The following PRKG1 variants were observed in gnomAD, a reference collection of about 807,000 sequenced individuals.
PRKG1 encodes cGMP-dependent protein kinase 1.
A neutral mutation model predicts 88.1 loss-of-function variants in PRKG1; 35 were observed. That is an observed-to-expected ratio of 0.40 (90% confidence interval 0.30 to 0.53). The LOEUF is 0.53. Ranked by LOEUF, PRKG1 falls within the 20% of genes least tolerant of loss-of-function variation. The pLI, the probability that PRKG1 is intolerant of heterozygous loss-of-function variation, is 0.59. For missense variants in PRKG1, 540 were observed against 839.8 expected, an observed-to-expected ratio of 0.64 and a Z score of 4.41; for synonymous variants, 303 against 292.5, an observed-to-expected ratio of 1.04 and a Z score of -0.37.
intron 4 of PRKG1, among the ~76,000 whole-genome samples, chr10:51,901,553 T>A (rs370536669): frequency 1.3e-5 from 2 of 152,328 alleles, no homozygotes; most frequent in East Asian, 1.9e-4. Context: ...TATTGTGTGA[T>A]CTTCTCTAGT....
intron 9 of PRKG1, among the ~76,000 whole-genome samples, chr10:52,233,747 G>A (rs1385253172): frequency 1.5e-4 from 22 of 149,664 alleles, no homozygotes; most frequent in African/African-American, 3.9e-4. Flanking sequence ...AGGGGCGCCC[G>A]CCATTGCCCA....
At chr10:51,072,801 AG>A (rs1428526594), upstream of PRKG1, among the ~76,000 whole-genome samples, 23 of 152,264 alleles carry the variant, frequency 1.5e-4, no homozygotes, top group Admixed American at 4.6e-4. Context: ...TAAATGAACA[AG>A]CTTGTTAAGA....
At chr10:51,413,595 G>A (rs10822945) in intron 2 of PRKG1, among the ~76,000 whole-genome samples, 84,005 of 151,870 alleles carry the variant, frequency 0.55, 23,814 homozygotes, top group Non-Finnish European at 0.62. Context: ...TCCTGACCTC[G>A]TGATCAGTCT....
chr10:51,323,689 C>T (rs1325728257), intron 2 of PRKG1, among the ~76,000 whole-genome samples: 2 of 152,208 alleles, frequency 1.3e-5, no homozygotes, highest in Non-Finnish European at 2.9e-5. Context: ...ATATGTCAGG[C>T]TGGACACAGT....
chr10:51,963,379 G>A (rs1843492116), intron 5 of PRKG1, among the ~76,000 whole-genome samples: 1 of 152,012 alleles, frequency 6.6e-6, no homozygotes, highest in Non-Finnish European at 1.5e-5. Flanking sequence ...CAAAAGATGT[G>A]TTTTTATATT....
At chr10:51,239,736 A>G (rs984674517) in intron 2 of PRKG1, among the ~76,000 whole-genome samples, 3 of 152,154 alleles carry the variant, frequency 2.0e-5, no homozygotes, top group Non-Finnish European at 4.4e-5. Context: ...AGCAGGTAAC[A>G]TAGTAGTTGA....
intron 1 of PRKG1, among the ~76,000 whole-genome samples, chr10:51,105,386 C>T (rs1844807843): frequency 6.6e-6 from 1 of 152,050 alleles, no homozygotes; most frequent in African/African-American, 2.4e-5. Flanking sequence ...TGATCTCCTA[C>T]CTTGGATGTG....
chr10:51,208,141 A>C (rs942691822), intron 2 of PRKG1, among the ~76,000 whole-genome samples: 1 of 152,220 alleles, frequency 6.6e-6, no homozygotes, highest in Non-Finnish European at 1.5e-5. Flanking sequence ...TGTTTCTTCC[A>C]CTAAAGAAGT....
intron 1 of PRKG1, among the ~76,000 whole-genome samples, chr10:51,042,737 G>A (rs1328757237): frequency 1.3e-5 from 2 of 152,248 alleles, no homozygotes; most frequent in East Asian, 3.9e-4. Context: ...TGGAATAAGG[G>A]TCCTCTAGAC....
At chr10:50,995,324 G>T (rs904649207) in intron 1 of PRKG1, among the ~76,000 whole-genome samples, 1 of 152,118 alleles carries the variant, frequency 6.6e-6, no homozygotes, top group Non-Finnish European at 1.5e-5. Flanking sequence ...AGTATCTAAG[G>T]AATGCTTAGA....
intron 5 of PRKG1, among the ~76,000 whole-genome samples, chr10:51,940,424 A>C (rs2133027163): frequency 6.6e-6 from 1 of 152,030 alleles, no homozygotes; most frequent in South Asian, 2.1e-4. Context: ...CTGCTATGGA[A>C]AAGAGAGACC....
At chr10:51,803,910 G>C (rs1839238773) in intron 3 of PRKG1, among the ~76,000 whole-genome samples, 1 of 152,064 alleles carries the variant, frequency 6.6e-6, no homozygotes, top group African/African-American at 2.4e-5. Flanking sequence ...TTAGTCATGT[G>C]CTTAATAGAT....
At chr10:51,175,805 A>C (rs1263760579) in intron 2 of PRKG1, among the ~76,000 whole-genome samples, 1 of 152,092 alleles carries the variant, frequency 6.6e-6, no homozygotes, top group Non-Finnish European at 1.5e-5. Context: ...AATTCTAGTG[A>C]TGATGGCCAG....
chr10:51,179,103 TG>T (rs1427481200), intron 2 of PRKG1, among the ~76,000 whole-genome samples: 1 of 152,218 alleles, frequency 6.6e-6, no homozygotes, highest in Admixed American at 6.5e-5. Flanking sequence ...TTGCGCTTAA[TG>T]ATGCCAAATT....
intron 3 of PRKG1, among the ~76,000 whole-genome samples, chr10:51,633,489 T>G (rs533298117): frequency 6.6e-6 from 1 of 152,140 alleles, no homozygotes; most frequent in African/African-American, 2.4e-5. Flanking sequence ...ATGATATTCC[T>G]GGTGAAGCTT....
intron 3 of PRKG1, among the ~76,000 whole-genome samples, chr10:51,727,254 AACACAGTAAG>A (rs1384779938): frequency 1.1e-3 from 167 of 151,014 alleles, no homozygotes; most frequent in African/African-American, 3.9e-3. Context: ...CAGCCTGGGC[AACACAGTAAG>A]ACCCCATTGC....
intron 5 of PRKG1, among the ~76,000 whole-genome samples, chr10:51,974,580 T>C (rs895621174): frequency 4.9e-5 from 7 of 142,838 alleles, no homozygotes; most frequent in Non-Finnish European, 9.7e-5. Flanking sequence ...AAATATTCCC[T>C]CTCTTTCATA....
At chr10:51,604,442 A>G (rs942553164) in intron 3 of PRKG1, among the ~76,000 whole-genome samples, 1 of 152,162 alleles carries the variant, frequency 6.6e-6, no homozygotes, top group Admixed American at 6.5e-5. Flanking sequence ...ATAATTATCT[A>G]TGTATTCTTT....
chr10:51,011,852 T>A (rs928093152), intron 1 of PRKG1, among the ~76,000 whole-genome samples: 5 of 152,148 alleles, frequency 3.3e-5, no homozygotes, highest in Non-Finnish European at 7.4e-5. Context: ...GTATTGGAGA[T>A]TGGGTAACTT....
Sources: allele counts gnomAD v4.1 joint callset (sites outside exome capture counted in the v4.1 genomes callset), GRCh38; gene constraint gnomAD v4.1.1; transcripts MANE v1.5; gene names NCBI Gene and HGNC (gene_info 2026-07-23, HGNC 2026-07-21).